SLC12A5: variants seen among roughly 807,000 people sequenced by gnomAD.
The protein encoded by SLC12A5 is K-Cl cotransporter 2.
Under a neutral mutation model 124.0 loss-of-function variants are expected in SLC12A5, and 18 were observed. The ratio of observed to expected loss-of-function variants is 0.15; its 90% CI spans 0.10 to 0.22. The LOEUF is 0.22. Ranked by LOEUF, SLC12A5 falls within the 10% of genes least tolerant of loss-of-function variation. The probability of loss-of-function intolerance (pLI) is 1.00; values close to 1 mark genes in which losing one functional copy is unlikely to be tolerated. For missense variants in SLC12A5, 867 were observed against 1,478.7 expected, an observed-to-expected ratio of 0.59 and a Z score of 6.78; for synonymous variants, 589 against 568.0, an observed-to-expected ratio of 1.04 and a Z score of -0.53.
rs1568861108 is a variant in SLC12A5, at chr20:46,040,474, C to G, written c.714C>G (p.Leu238=). 2 of 1,614,260 alleles carry G rather than the reference C, an allele frequency of 1.2e-6. No individual in the cohort carries two copies. Among genetic ancestry groups the G allele is most frequent in the East Asian group, 4.5e-5 (2 of 44,892 alleles). The change falls in exon 7 of 26, where the codon CTC becomes CTG. Residue 238 remains leucine (L), a synonymous_variant. Transcript: ENST00000243964. ...NNMRVYGTCV[L]TCMATVVFVG... is the part of the protein sequence containing the mutation. ...TGCGTGTTTACGGCACCTGTGTGCT[C>G]ACCTGCATGGCCACTGTGGTGTTTG... is the stretch of plus-strand genomic sequence containing the variant.
chr20:46,027,713 T>A (rs2084411956), upstream of SLC12A5: 1 of 152,240 alleles, frequency 6.6e-6, no homozygotes, highest in African/African-American at 2.4e-5. Flanking sequence ...TGCATCCTTG[T>A]CTCTTCTATG....
At chr20:46,030,451 C>A (rs889120608) in intron 1 of SLC12A5, among the ~76,000 whole-genome samples, 1 of 152,154 alleles carries the variant, frequency 6.6e-6, no homozygotes, top group East Asian at 1.9e-4. Context: ...CCAGCCACCC[C>A]CTCAGGCTCC....
At chr20:46,049,328 G>A (rs1324894021) in intron 16 of SLC12A5, among the ~76,000 whole-genome samples, 1 of 152,202 alleles carries the variant, frequency 6.6e-6, no homozygotes, top group Non-Finnish European at 1.5e-5. Context: ...ATGATAGGTA[G>A]GTAGATGTGT....
Position 46,043,222 on chromosome 20 carries a change from T to C in SLC12A5, c.1136T>C (p.Leu379Pro). The C allele has an allele frequency of 6.2e-7, 1 of 1,613,966 alleles. No homozygotes were observed. The highest frequency in any genetic ancestry group is 1.6e-4 in the Middle Eastern group (1 of 6,062). ...AGGAGTGGGATGACCTCGGTGGGCC[T>C]GGCCGATGGCACTCCTATCGACATG... Reference protein sequence around the residue: ...VERSGMTSVGLADGTPIDMDH... With the variant: ...VERSGMTSVGPADGTPIDMDH... Residue 379 changes from leucine to proline, a missense_variant, in exon 9 of 26, where the codon CTG becomes CCG. Leu to Pro is a moderately conservative substitution (Grantham distance 98, BLOSUM62 -3). This residue lies in a region of SLC12A5 where 127 missense variants were observed against 164.1 expected (regional missense o/e 0.77). Coordinates refer to ENST00000243964, the MANE Select transcript of SLC12A5 (RefSeq NM_020708.5).
chr20:46,051,551 A>G (rs2084646296), intron 17 of SLC12A5, 124 bp from the exon 18 acceptor site: 1 of 852,654 alleles, frequency 1.2e-6, no homozygotes, highest in Non-Finnish European at 1.8e-6. Flanking sequence ...TGACGTGATC[A>G]GAGCTGAGCT....
At chr20:46,048,324 C>T (rs765014618) in intron 16 of SLC12A5, among the ~76,000 whole-genome samples, 1 of 152,180 alleles carries the variant, frequency 6.6e-6, no homozygotes, top group Admixed American at 6.5e-5. Flanking sequence ...GCCTCCTGAG[C>T]AGTCATCCAT....
At chr20:46,052,856 G>C (rs1160837447) in intron 18 of SLC12A5, 101 bp from the exon 19 acceptor site, 1 of 1,318,620 alleles carries the variant, frequency 7.6e-7, no homozygotes, top group African/African-American at 1.5e-5. Flanking sequence ...GTTGGAGTGG[G>C]GTGGAGTGCT....
At chr20:46,029,897 C>T (rs2084432421) in intron 1 of SLC12A5, among the ~76,000 whole-genome samples, 1 of 117,790 alleles carries the variant, frequency 8.5e-6, no homozygotes, top group South Asian at 2.7e-4. Flanking sequence ...TGTGCGCGCG[C>T]GTGCGTATGT....
chr20:46,051,824 C>G lies in SLC12A5; in HGVS notation c.2331C>G (p.Arg777=). ...QHNTVLVGWP[R]NWRQKEDHQT... is the part of the protein sequence containing the mutation. ...ACACTGTGCTTGTTGGCTGGCCCCG[C>G]AACTGGCGCCAGAAGGAAGATCATC... Residue 777 remains arginine, a synonymous_variant, in exon 18 of 26, where the codon CGC becomes CGG. Coordinates refer to ENST00000243964, the MANE Select transcript of SLC12A5 (RefSeq NM_020708.5). 6.7e-7 allele frequency: 1 copy of G among 1,495,486 alleles called. No homozygotes were observed. Among genetic ancestry groups the G allele is most frequent in the Non-Finnish European group, 9.0e-7 (1 of 1,114,782 alleles). The allele number at this position is 1,495,486 out of a possible 1,614,324, so 92.6% of individuals were successfully genotyped here.
rs1403923520 is a variant in SLC12A5 at position 46,045,182 on chromosome 20, C to T, written c.1569+42C>T. ...AACAGCCCACCCTCAGTAGACCAGC[C>T]AGGCCCCTGCCCAGAGAGACCACAC... On this transcript the variant is annotated intron_variant, in intron 12 of 25. Coordinates refer to ENST00000243964, the MANE Select transcript of SLC12A5 (RefSeq NM_020708.5). The surrounding 1 kb of genome is among the most constrained non-coding windows in gnomAD (Gnocchi z 4.9). The T allele has an allele frequency of 2.6e-6, 4 of 1,524,600 alleles. No individual in the cohort carries two copies. The highest frequency in any genetic ancestry group is 3.5e-6 in the Non-Finnish European group (4 of 1,142,212). The allele number at this position is 1,524,600 out of a possible 1,614,324, so 94.4% of individuals were successfully genotyped here.
upstream of SLC12A5, chr20:46,029,182 G>A (rs916671764): frequency 6.3e-6 from 9 of 1,433,808 alleles, no homozygotes; most frequent in African/African-American, 4.4e-5. Flanking sequence ...GCGTGTGTCC[G>A]TGTGCGAGTG....
At position 46,058,272 on chromosome 20, in the gene SLC12A5, A is replaced by C; in HGVS notation, c.*667A>C. Reference sequence around the variant, plus strand: ...AGCTGAATTTTCCTTGACGTCCAAGAGTTTGAGAGCGAAAGTGCTTTAGGC... The same window carrying C: ...AGCTGAATTTTCCTTGACGTCCAAGCGTTTGAGAGCGAAAGTGCTTTAGGC... On this transcript the variant is annotated 3_prime_UTR_variant, in exon 26 of 26. Coordinates refer to ENST00000243964, the MANE Select transcript of SLC12A5 (RefSeq NM_020708.5). The surrounding 1 kb of genome is among the most constrained non-coding windows in gnomAD (Gnocchi z 5.8). 2.5e-6 allele frequency: 1 copy of C among 394,762 alleles called. No homozygotes were observed. The highest frequency in any genetic ancestry group is 4.5e-6 in the Non-Finnish European group (1 of 223,884). 24.5% of individuals were successfully genotyped at this position (394,762 alleles called of 1,614,324 possible).
chr20:46,047,073 T>TA (rs1169185047), intron 14 of SLC12A5, among the ~76,000 whole-genome samples: 2 of 152,242 alleles, frequency 1.3e-5, no homozygotes, highest in Non-Finnish European at 2.9e-5. Flanking sequence ...GAACCAGGGC[T>TA]GCCCACTCCT....
At chr20:46,037,111 C>T in intron 5 of SLC12A5, 144 bp from the exon 6 acceptor site, 1 of 1,264,236 alleles carries the variant, frequency 7.9e-7, no homozygotes, top group Non-Finnish European at 1.1e-6. Flanking sequence ...TTGGGTCTCT[C>T]ACCAGTCCCC....
At chr20:46,052,014 A>G in intron 18 of SLC12A5, 144 bp downstream of exon 18, 1 of 734,546 alleles carries the variant, frequency 1.4e-6, no homozygotes, top group South Asian at 2.1e-5. Flanking sequence ...AGGTGACAGC[A>G]GTCAAGGCTG....
upstream of SLC12A5, among the ~76,000 whole-genome samples, chr20:46,028,512 G>A (rs553433262): frequency 2.1e-4 from 32 of 152,258 alleles, no homozygotes; most frequent in African/African-American, 5.5e-4. Context: ...CAATGAGAGA[G>A]TTCCTTGGAA....
intron 9 of SLC12A5, 135 bp from the exon 10 acceptor site, chr20:46,043,498 T>C (rs78545487): frequency 0.028 from 32,966 of 1,175,538 alleles, 896 homozygotes; most frequent in Admixed American, 0.14. Flanking sequence ...AAGTAACATG[T>C]CCAAGGTCTC....
chr20:46,035,103 T>C (rs2084485620), intron 2 of SLC12A5, 61 bp downstream of exon 2: 2 of 1,541,934 alleles, frequency 1.3e-6, no homozygotes, highest in Non-Finnish European at 1.8e-6. Context: ...CATCAGCTGC[T>C]CTCTCCCTCC....
chr20:46,022,380 T>A (rs906449800), intron 1 of SLC12A5, among the ~76,000 whole-genome samples: 2 of 101,152 alleles, frequency 2.0e-5, no homozygotes, highest in Non-Finnish European at 3.8e-5. Context: ...TAGTAGGGAA[T>A]GAGTTGGGCC....
Sources: allele counts gnomAD v4.1 joint callset (sites outside exome capture counted in the v4.1 genomes callset), GRCh38; gene constraint gnomAD v4.1.1; regional missense constraint gnomAD v4.1.1; non-coding constraint Gnocchi (gnomAD v3.1); transcripts MANE v1.5; gene names NCBI Gene and HGNC (gene_info 2026-07-23, HGNC 2026-07-21).